The following VRK2 variants were observed in gnomAD, a reference collection of about 807,000 sequenced individuals.
VRK2 encodes the protein serine/threonine-protein kinase VRK2.
In VRK2, 60 loss-of-function variants were observed where a neutral mutation model predicts 57.6. The observed-to-expected ratio is 1.04, with a 90% CI of 0.85 to 1.29. The LOEUF (loss-of-function observed/expected upper bound fraction) is 1.29, where lower values mean the gene tolerates loss of function less well. Ranked by LOEUF, VRK2 falls within the 50% of genes most tolerant of loss-of-function variation. The pLI is 0.00. For missense variants in VRK2, 705 were observed against 588.1 expected, an observed-to-expected ratio of 1.20 and a Z score of -2.06; for synonymous variants, 231 against 199.2, an observed-to-expected ratio of 1.16 and a Z score of -1.35.
intron 1 of VRK2, among the ~76,000 whole-genome samples, chr2:57,922,289 T>A (rs1283899362): frequency 6.6e-6 from 1 of 152,058 alleles, no homozygotes; most frequent in African/African-American, 2.4e-5. Context: ...AGAAGACCAA[T>A]ATATTGTCGT....
Position 57,938,873 on chromosome 2 carries a change from C to G in VRK2, c.-439+31034C>G, listed in dbSNP as rs1413643751. ...GTTATTTATGACTTCAAAAAAAGAA[C>G]TTGCTTTCCTCTTCTTTTGGAAAAT... On this transcript the variant is annotated intron_variant, in intron 1 of 15. Coordinates refer to the VRK2 transcript ENST00000417641. Among the ~76,000 whole-genome samples, 5 of 152,220 alleles carry G rather than the reference C, an allele frequency of 3.3e-5. No individual in the cohort carries two copies. In the South Asian group the frequency reaches 1.0e-3, roughly 32 times the overall value.
chr2:58,135,501 C>T (rs1679887461), intron 10 of VRK2, among the ~76,000 whole-genome samples: 2 of 150,488 alleles, frequency 1.3e-5, no homozygotes, highest in Non-Finnish European at 3.0e-5. Flanking sequence ...AATAGTCAAC[C>T]GTATCTGGTA....
chr2:57,958,876 G>C (rs1031363264), intron 1 of VRK2, among the ~76,000 whole-genome samples: 32 of 152,284 alleles, frequency 2.1e-4, no homozygotes, highest in South Asian at 6.2e-4. Flanking sequence ...AGGGCATACA[G>C]ATGTAGATCA....
rs1266042121 is a variant in VRK2 at position 58,103,205 on chromosome 2, C to A, written c.543+13482C>A. Among the ~76,000 whole-genome samples the A allele has an allele frequency of 4.0e-5, 6 of 150,878 alleles. No individual in the cohort carries two copies. In the East Asian group the frequency reaches 1.2e-3, roughly 29 times the overall value. ...AAGAACAAACCATACCCATAGCTAG[C>A]AGAAGAAAATAAATAGCAAAGATCA... On this transcript the variant is annotated intron_variant, in intron 7 of 12. Transcript: ENST00000340157.
intron 1 of VRK2, among the ~76,000 whole-genome samples, chr2:57,999,311 C>T (rs1282354236): frequency 6.6e-6 from 1 of 152,042 alleles, no homozygotes; most frequent in African/African-American, 2.4e-5. Flanking sequence ...GTGTTTACTA[C>T]AAGTTTTGGT....
chr2:57,926,539 TAG>T (rs1391341789), intron 1 of VRK2, among the ~76,000 whole-genome samples: 1 of 150,564 alleles, frequency 6.6e-6, no homozygotes, highest in Non-Finnish European at 1.5e-5. Flanking sequence ...TGTATATATA[TAG>T]AGAGAGAGAA....
chr2:58,022,323 T>C (rs1040978946), intron 1 of VRK2, among the ~76,000 whole-genome samples: 1 of 152,206 alleles, frequency 6.6e-6, no homozygotes, highest in Admixed American at 6.5e-5. Context: ...AGCCTGTGAA[T>C]TGAGTGAGCA....
intron 2 of VRK2, among the ~76,000 whole-genome samples, chr2:58,059,002 A>T (rs1283952093): frequency 2.0e-5 from 3 of 152,100 alleles, no homozygotes; most frequent in African/African-American, 7.2e-5. Flanking sequence ...TATGTAACTG[A>T]TAGTATTGGC....
intron 7 of VRK2, among the ~76,000 whole-genome samples, chr2:58,115,763 G>A (rs1573195044): frequency 6.6e-6 from 1 of 152,216 alleles, no homozygotes; most frequent in South Asian, 2.1e-4. Context: ...CTTGACTGAA[G>A]TAACGGGGGC....
At chr2:58,025,645 G>T (rs2103683021) in intron 1 of VRK2, 1 of 152,192 alleles carries the variant, frequency 6.6e-6, no homozygotes, top group African/African-American at 2.4e-5. Flanking sequence ...CAAGAAATGT[G>T]GCCTGAACTT....
chr2:57,961,526 C>T (rs1260738101), intron 1 of VRK2, among the ~76,000 whole-genome samples: 6 of 152,114 alleles, frequency 3.9e-5, no homozygotes, highest in Non-Finnish European at 7.3e-5. Flanking sequence ...ACAAGACTAA[C>T]TGCATGCTAC....
At chr2:58,033,522 A>C (rs556920112) in exon 3 of VRK2, 13 of 152,034 alleles carry the variant, frequency 8.6e-5, no homozygotes, top group Non-Finnish European at 1.9e-4. Flanking sequence ...CCCTGCTGAC[A>C]GCTTGATTTT....
downstream of VRK2, chr2:58,159,898 C>G: frequency 6.4e-7 from 1 of 1,562,408 alleles, no homozygotes; most frequent in Non-Finnish European, 8.6e-7. Flanking sequence ...TGTCATAGTA[C>G]AGTTTGGAAA....
intron 1 of VRK2, among the ~76,000 whole-genome samples, chr2:57,983,047 C>A (rs866388927): frequency 8.5e-5 from 13 of 152,166 alleles, no homozygotes; most frequent in African/African-American, 3.1e-4. Context: ...AGAAATGAAT[C>A]CTGACACTGG....
intron 7 of VRK2, among the ~76,000 whole-genome samples, chr2:58,107,602 A>G (rs1459926837): frequency 6.6e-6 from 1 of 152,190 alleles, no homozygotes; most frequent in Non-Finnish European, 1.5e-5. Context: ...AATTGTCTAA[A>G]TTATAAGGTG....
chr2:57,959,525 G>T (rs1671690546), intron 1 of VRK2, among the ~76,000 whole-genome samples: 1 of 152,170 alleles, frequency 6.6e-6, no homozygotes, highest in African/African-American at 2.4e-5. Flanking sequence ...AGCTCCCTTG[G>T]AAAGCTCCAG....
rs543838347 is a variant in VRK2 at position 57,920,775 on chromosome 2, T to C, written c.-439+12936T>C. On this transcript the variant is annotated intron_variant, in intron 1 of 15. Transcript: ENST00000417641. Reference sequence around the variant, plus strand: ...CCTATTTGGTTGCAGAGATCAACTATGGGTGAGAATTCCTGTGGCAATAGA... The same window carrying C: ...CCTATTTGGTTGCAGAGATCAACTACGGGTGAGAATTCCTGTGGCAATAGA... Among the ~76,000 whole-genome samples the C allele has an allele frequency of 2.6e-5, 4 of 152,168 alleles. No individual in the cohort carries two copies. In the South Asian group the frequency reaches 8.3e-4, roughly 32 times the overall value.
chr2:58,031,848 G>C (rs755580522), intron 2 of VRK2, among the ~76,000 whole-genome samples: 24 of 152,026 alleles, frequency 1.6e-4, no homozygotes, highest in Admixed American at 1.3e-4. Context: ...CGAAAAAAAT[G>C]GAAGGAAGGT....
At chr2:57,937,265 C>T (rs1289453631) in intron 1 of VRK2, among the ~76,000 whole-genome samples, 1 of 152,140 alleles carries the variant, frequency 6.6e-6, no homozygotes, top group African/African-American at 2.4e-5. Context: ...AGTTCAGGGT[C>T]TTTACTCTGG....
Sources: allele counts gnomAD v4.1 joint callset (sites outside exome capture counted in the v4.1 genomes callset), GRCh38; gene constraint gnomAD v4.1.1; transcripts MANE v1.5; gene names NCBI Gene and HGNC (gene_info 2026-07-23, HGNC 2026-07-21).